SERINC4: variants seen among roughly 807,000 people sequenced by gnomAD.
The protein encoded by SERINC4 is serine incorporator 4.
In SERINC4, 52 loss-of-function variants were observed where a neutral mutation model predicts 52.0. The ratio of observed to expected loss-of-function variants is 1.00; its 90% CI spans 0.80 to 1.26. The LOEUF is 1.26. SERINC4 is among the 50% of genes most tolerant of loss of function. The pLI is 0.00. For synonymous variants in SERINC4, 264 were observed against 247.7 expected (o/e 1.07, Z -0.62); for missense variants, 723 against 632.8 (o/e 1.14, Z -1.53).
chr15:43,796,545 A>G (rs2087219706), intron 8 of SERINC4, 71 bp downstream of exon 8: 5 of 1,534,074 alleles, frequency 3.3e-6, no homozygotes, highest in Admixed American at 1.7e-5. Context: ...GGTCCCAGAC[A>G]TTGTCCTGAC....
intron 10 of SERINC4, 43 bp from the exon 11 acceptor site, chr15:43,795,584 A>G (rs1180008895): frequency 1.2e-6 from 2 of 1,612,932 alleles, no homozygotes; most frequent in Non-Finnish European, 8.5e-7. Context: ...CTGCTGAAAC[A>G]CCTCTTCCCC....
Position 43,794,441 on chromosome 15 carries a change from G to T in SERINC4, c.*559C>A, listed in dbSNP as rs2087153607. 6.1e-6 allele frequency: 1 copy of T among 162,666 alleles called. No homozygotes were observed. Among genetic ancestry groups the T allele is most frequent in the Admixed American group, 6.2e-5 (1 of 16,014 alleles). 10.1% of individuals were successfully genotyped at this position (162,666 alleles called of 1,614,324 possible). ...CACCGACTTCCCGTGGTCAGCTGCT[G>T]TCAAGCGTTCACTTTCTCTTCTGTC... is the stretch of plus-strand genomic sequence containing the variant. On this transcript the variant is annotated 3_prime_UTR_variant, in exon 12 of 12. Transcript: ENST00000319327.
Position 43,797,306 on chromosome 15 carries a change from G to A in SERINC4, c.683C>T (p.Ala228Val). The A allele has an allele frequency of 6.5e-7, 1 of 1,549,490 alleles. No homozygotes were observed. The highest frequency in any genetic ancestry group is 8.7e-7 in the Non-Finnish European group (1 of 1,146,952). The change falls in exon 6 of 12, where the codon GCC (alanine) becomes GTC (valine). Residue 228 changes from alanine (A) to valine (V), a missense_variant. Transcript: ENST00000319327. ...TGCCATGCTGTAGAATCCTAGGGTG[G>A]CCAGCAGGACAGCCAGGAACCAGCT... ...DCSWFLAVLL[A>V]TLGFYSMAGV...
rs955674707 is a variant in SERINC4, at chr15:43,799,799, G to C, written c.102+86C>G. 29 of 1,037,516 alleles carry C rather than the reference G, an allele frequency of 2.8e-5. No homozygotes were observed. In the African/African-American group the frequency reaches 4.6e-4, roughly 17 times the overall value. 64.3% of individuals were successfully genotyped at this position (1,037,516 alleles called of 1,614,324 possible). The stretch of plus-strand genomic sequence containing the variant: ...GGGGCAACGAACCAGAACGACATTA[G>C]AGGAGAAAAGAGGCCTGTCGTTTTT... On this transcript the variant is annotated intron_variant, in intron 1 of 11. Transcript: ENST00000319327.
rs778592969 is a variant in SERINC4, at chr15:43,799,143, A to AGT, written c.280-8_280-7dup. On this transcript the variant is annotated splice_region_variant and splice_polypyrimidine_tract_variant and intron_variant, in intron 2 of 11. Transcript: ENST00000319327. ...AACCCCGAGGGCATCTGGATCTGGG[A>AGT]GTGTGTGTGAGAGAAATGGCAGGAC... 15 of 1,544,906 alleles carry AGT rather than the reference A, an allele frequency of 9.7e-6. No homozygotes were observed. Among genetic ancestry groups the AGT allele is most frequent in the Non-Finnish European group, 1.3e-5 (15 of 1,142,132 alleles).
intron 2 of SERINC4, 32 bp from the exon 3 acceptor site, chr15:43,799,169 A>G: frequency 1.3e-6 from 2 of 1,539,126 alleles, no homozygotes; most frequent in Non-Finnish European, 1.8e-6. Flanking sequence ...ATGGCAGGAC[A>G]AGTCATAATG....
chr15:43,795,832 A>G, intron 9 of SERINC4, 96 bp from the exon 10 acceptor site: 5 of 1,294,336 alleles, frequency 3.9e-6, no homozygotes, highest in Non-Finnish European at 5.4e-6. Context: ...CTAGTATTAA[A>G]AAGTGGAGGC....
In SERINC4 at chr15:43,799,425, G is replaced by A. The variant is rs536495057; in HGVS notation, c.164C>T (p.Thr55Ile). ...GAACAGGCGGCTGCAAGTGGATGCG[G>A]TGAGAGAGGGCCACCTAGAGTGGCA... ...SCCHSRWPSL[T>I]ASTCSRLFYI... The change falls in exon 2 of 12, where the codon ACC becomes ATC. Residue 55 changes from threonine (T) to isoleucine (I), a missense_variant. Thr to Ile is a moderately conservative substitution (Grantham distance 89). Transcript: ENST00000319327. 1,504 of 1,550,800 alleles carry A rather than the reference G, an allele frequency of 9.7e-4. 6 individuals carry two copies. The highest frequency in any genetic ancestry group is 3.7e-3 in the South Asian group (307 of 84,062).
chr15:43,795,601 C>T, intron 10 of SERINC4, 60 bp from the exon 11 acceptor site: 1 of 1,611,580 alleles, frequency 6.2e-7, no homozygotes, highest in Non-Finnish European at 8.5e-7. Context: ...CCCCTCTCCC[C>T]CAACTACCTT....
rs200741760 is a variant in SERINC4, at chr15:43,795,460, T to C, written c.1271A>G (p.Asn424Ser). Residue 424 changes from asparagine (N) to serine (S), a missense_variant, in exon 11 of 12, where the codon AAC becomes AGC. Transcript: ENST00000319327. ...PPVQVQHLSY[N>S]YSAFHFVFFL... The stretch of plus-strand genomic sequence containing the variant: ...GAAGACGAAGTGGAAGGCAGAATAG[T>C]TGTAGGAAAGATGCTGGACTTGGAC... 6.2e-7 allele frequency: 1 copy of C among 1,614,054 alleles called. No homozygotes were observed. Among genetic ancestry groups the C allele is most frequent in the Non-Finnish European group, 8.5e-7 (1 of 1,180,018 alleles).
In SERINC4 at chr15:43,794,842, A is replaced by T; in HGVS notation, c.*158T>A. The T allele has an allele frequency of 1.6e-6, 1 of 628,498 alleles. No individual in the cohort carries two copies. The highest frequency in any genetic ancestry group is 2.8e-6 in the Non-Finnish European group (1 of 358,036). The allele number at this position is 628,498 out of a possible 1,614,324, so 38.9% of individuals were successfully genotyped here. On this transcript the variant is annotated 3_prime_UTR_variant, in exon 12 of 12. Transcript: ENST00000319327. ...TCAGACACTCTGCCCAGCACATTAGACTGTGTTTGACCACTTCTTCCAGTT... is the reference window on the plus strand; with the variant it reads ...TCAGACACTCTGCCCAGCACATTAGTCTGTGTTTGACCACTTCTTCCAGTT...
At position 43,797,348 on chromosome 15, in the gene SERINC4, C is replaced by T; in HGVS notation, c.641G>A (p.Gly214Asp). 6.5e-7 allele frequency: 1 copy of T among 1,548,060 alleles called. No individual in the cohort carries two copies. The highest frequency in any genetic ancestry group is 8.7e-7 in the Non-Finnish European group (1 of 1,146,706). ...AHSWNKNWQT[G>D]AAQDCSWFLA... ...GAACCAGCTACAGTCTTGAGCTGCA[C>T]CTGTCTGCCTAAGGGTGGAAAGTGG... The change falls in exon 6 of 12, where the codon GGT becomes GAT. Residue 214 changes from glycine to aspartate, a missense_variant. Physicochemically the swap from Gly to Asp is moderately conservative, Grantham distance 94. Coordinates refer to ENST00000319327, the MANE Select transcript of SERINC4 (RefSeq NM_001258031.2).
At chr15:43,795,303 A>G (rs2087182431) in intron 11 of SERINC4, 85 bp downstream of exon 11, 2 of 1,591,696 alleles carry the variant, frequency 1.3e-6, no homozygotes, top group South Asian at 2.2e-5. Context: ...TGGCAGACCC[A>G]TGTGTGTCTG....
rs976397453 is a variant in SERINC4 at position 43,795,397 on chromosome 15, T to C, written c.1334A>G (p.Asn445Ser). The change falls in exon 11 of 12, where the codon AAC (asparagine) becomes AGC (serine). Residue 445 changes from asparagine to serine, a missense_variant. Physicochemically the swap from Asn to Ser is conservative, Grantham distance 46 (BLOSUM62 1). Transcript: ENST00000319327. ...GCCCACTCCATCTTACCTGAACCAG[T>C]TGGTAAGGGTAACCATGACATAGAG... ...ASLYVMVTLTNWFSYEGAELE... is the reference protein window; with the variant it reads ...ASLYVMVTLTSWFSYEGAELE... The C allele has an allele frequency of 3.7e-6, 6 of 1,614,026 alleles. No individual in the cohort carries two copies. In the African/African-American group the frequency reaches 5.3e-5, roughly 14 times the overall value.
rs901387245 is a variant in SERINC4 at position 43,798,591 on chromosome 15, C to A, written c.459-87G>T. The A allele has an allele frequency of 2.8e-5, 27 of 970,484 alleles. No homozygotes were observed. The African/African-American group carries it at 4.2e-4, about 15-fold the overall frequency. 60.1% of individuals were successfully genotyped at this position (970,484 alleles called of 1,614,324 possible). A position where few individuals can be genotyped will look rare whatever the true frequency, so the allele number is the denominator to read the frequency against. Reference sequence around the variant, plus strand: ...CCTATGGGGAAAGGCAAAAGAGAAACCAAAAATATAGGAAAGAGGACAGAC... The same window carrying A: ...CCTATGGGGAAAGGCAAAAGAGAAAACAAAAATATAGGAAAGAGGACAGAC... On this transcript the variant is annotated intron_variant, in intron 3 of 11. Transcript: ENST00000319327.
In SERINC4 at chr15:43,794,553, C is replaced by G. The variant is rs1373273491; in HGVS notation, c.*447G>C. The G allele has an allele frequency of 6.1e-6, 1 of 164,806 alleles. No individual in the cohort carries two copies. Among genetic ancestry groups the G allele is most frequent in the African/African-American group, 2.4e-5 (1 of 41,716 alleles). The allele number at this position is 164,806 out of a possible 1,614,324, so 10.2% of individuals were successfully genotyped here. A position where few individuals can be genotyped will look rare whatever the true frequency, so the allele number is the denominator to read the frequency against. On this transcript the variant is annotated 3_prime_UTR_variant, in exon 12 of 12. Coordinates refer to ENST00000319327, the MANE Select transcript of SERINC4 (RefSeq NM_001258031.2). ...AAAACCTGGGGTAGCCTCTGTGCTCCTTTCTTCTATGCCCTGGTTTGTTCT... is the reference window on the plus strand; with the variant it reads ...AAAACCTGGGGTAGCCTCTGTGCTCGTTTCTTCTATGCCCTGGTTTGTTCT...
chr15:43,797,564 T>A (rs781315438), intron 5 of SERINC4: 8 of 555,312 alleles, frequency 1.4e-5, no homozygotes, highest in Admixed American at 3.1e-5. Context: ...AGCTAACTTT[T>A]ATATTTTTAC....
In SERINC4 at chr15:43,796,701, G is replaced by A; in HGVS notation, c.982C>T (p.Leu328=). 2 of 1,614,106 alleles carry A rather than the reference G, an allele frequency of 1.2e-6. No individual in the cohort carries two copies. The highest frequency in any genetic ancestry group is 8.5e-7 in the Non-Finnish European group (1 of 1,180,004). ...GGTGTTTGGGGTTCCATTTTACTCAGGCCAGGCAGGCACAGGGTGTGATTC... is the reference window on the plus strand; with the variant it reads ...GGTGTTTGGGGTTCCATTTTACTCAAGCCAGGCAGGCACAGGGTGTGATTC... The part of the protein sequence containing the change: ...GQNHTLCLPG[L]SKMEPQTPDI... Residue 328 remains leucine, a synonymous_variant, in exon 8 of 12, where the codon CTG becomes TTG. Coordinates refer to ENST00000319327, the MANE Select transcript of SERINC4 (RefSeq NM_001258031.2).
chr15:43,796,771 A>AT, intron 7 of SERINC4, 29 bp from the exon 8 acceptor site: 1 of 1,614,142 alleles, frequency 6.2e-7, no homozygotes, highest in Non-Finnish European at 8.5e-7. Flanking sequence ...AGAGATGGGT[A>AT]TTAACAATGA....
Sources: gnomAD v4.1 joint callset for allele counts on GRCh38, gnomAD v4.1.1 for gene constraint, MANE v1.5 for transcripts, NCBI Gene and HGNC (gene_info 2026-07-23, HGNC 2026-07-21) for gene names.